C9: variants seen among roughly 807,000 people sequenced by gnomAD.
The protein encoded by C9 is complement component C9.
Under a neutral mutation model 65.4 loss-of-function variants are expected in C9, and 63 were observed. That is an observed-to-expected ratio of 0.96 (90% CI 0.79 to 1.19). The LOEUF is 1.19. Ranked by LOEUF, C9 falls within the 50% of genes most tolerant of loss-of-function variation. The pLI is 0.00. For synonymous variants in C9, 229 were observed against 227.9 expected, an observed-to-expected ratio of 1.00 and a Z score of -0.04; for missense variants, 744 against 670.1, an observed-to-expected ratio of 1.11 and a Z score of -1.22.
chr5:39,327,784 T>C (rs181416884), intron 5 of C9, among the ~76,000 whole-genome samples: 2 of 152,024 alleles, frequency 1.3e-5, no homozygotes, highest in African/African-American at 2.4e-5. Flanking sequence ...GAAGAATATA[T>C]AGAGAGAAAT....
chr5:39,361,777 G>C lies in C9; in HGVS notation c.77+2611C>G, dbSNP rs145233356. On this transcript the variant is annotated intron_variant, in intron 1 of 10. Coordinates refer to ENST00000263408, the MANE Select transcript of C9 (RefSeq NM_001737.5). ...TGTCCCCCTCATGGCCAGTTCTCAT[G>C]GGCACATTAATCTTTGTAAAAAAAT... 5.8e-3 allele frequency among the ~76,000 whole-genome samples: 876 copies of C among 152,140 alleles called. 19 individuals are homozygous for C. Among genetic ancestry groups the C allele is most frequent in the Admixed American group, 0.045 (688 of 15,266 alleles).
chr5:39,342,288 C>T, intron 1 of C9, 92 bp from the exon 2 acceptor site: 2 of 728,136 alleles, frequency 2.7e-6, no homozygotes, highest in Non-Finnish European at 5.0e-6. Context: ...TGTACTTTAT[C>T]CCCTCTCAAA....
intron 5 of C9, among the ~76,000 whole-genome samples, chr5:39,325,557 G>A (rs1389057102): frequency 6.6e-6 from 1 of 152,120 alleles, no homozygotes; most frequent in Admixed American, 6.5e-5. Context: ...GGCGGATCAT[G>A]ATGTCAGGAG....
At chr5:39,327,904 T>C (rs886831437) in intron 5 of C9, among the ~76,000 whole-genome samples, 2 of 152,166 alleles carry the variant, frequency 1.3e-5, no homozygotes, top group African/African-American at 4.8e-5. Flanking sequence ...GAAAAATGCA[T>C]AGACACAAGA....
rs776195213 is a variant in C9, at chr5:39,306,757, C to T, written c.1276G>A (p.Val426Ile). The T allele has an allele frequency of 3.7e-6, 6 of 1,612,274 alleles. No homozygotes were observed. Among genetic ancestry groups the T allele is most frequent in the Non-Finnish European group, 5.1e-6 (6 of 1,178,650 alleles). The change falls in exon 9 of 11, where the codon GTT becomes ATT. Residue 426 changes from valine (V) to isoleucine (I), a missense_variant. Physicochemically the swap from Val to Ile is conservative, Grantham distance 29. Coordinates refer to ENST00000263408, the MANE Select transcript of C9 (RefSeq NM_001737.5). ...CTGGTTCCACCTCTTATGAGTGAAACAACATCATCTATGAGGTTTTCACTG... is the reference window on the plus strand; with the variant it reads ...CTGGTTCCACCTCTTATGAGTGAAATAACATCATCTATGAGGTTTTCACTG... ...ITSENLIDDV[V>I]SLIRGGTRKY...
intron 5 of C9, among the ~76,000 whole-genome samples, chr5:39,321,355 A>G (rs1022757612): frequency 6.6e-6 from 1 of 152,132 alleles, no homozygotes; most frequent in Non-Finnish European, 1.5e-5. Flanking sequence ...GCCTATTATA[A>G]CTATAGATAT....
chr5:39,322,092 T>C (rs2111910159), intron 5 of C9, among the ~76,000 whole-genome samples: 1 of 152,140 alleles, frequency 6.6e-6, no homozygotes, highest in Admixed American at 6.5e-5. Context: ...GGACAGATCG[T>C]ATATTAGGCC....
intron 3 of C9, 66 bp from the exon 4 acceptor site, chr5:39,341,359 A>G (rs769413428): frequency 6.3e-7 from 1 of 1,578,902 alleles, no homozygotes; most frequent in Non-Finnish European, 8.7e-7. Context: ...TTCTGAAGTT[A>G]TCAAATGCAT....
At position 39,285,214 on chromosome 5, in the gene C9, G is replaced by T. The variant is rs141988743; in HGVS notation, c.1665C>A (p.Phe555Leu). ...KISEGLPALE[F>L]PNEK is the part of the protein sequence containing the mutation. ...GCCAACAGCTCTATTTTTCATTGGGGAACTCTAGGGCTGGCAATCCTAGAG... is the reference window on the plus strand; with the variant it reads ...GCCAACAGCTCTATTTTTCATTGGGTAACTCTAGGGCTGGCAATCCTAGAG... The change falls in exon 11 of 11, where the codon TTC becomes TTA. Residue 555 changes from phenylalanine to leucine, a missense_variant. Phe to Leu is a conservative substitution (Grantham distance 22, BLOSUM62 0). Coordinates refer to ENST00000263408, the MANE Select transcript of C9 (RefSeq NM_001737.5). 1.2e-5 allele frequency: 20 copies of T among 1,612,754 alleles called. No individual in the cohort carries two copies. Among genetic ancestry groups the T allele is most frequent in the Non-Finnish European group, 1.7e-5 (20 of 1,179,052 alleles).
chr5:39,311,294 AGTT>A lies in C9; in HGVS notation c.951_953del (p.Thr318del), dbSNP rs778231857. 1.9e-6 allele frequency: 3 copies of A among 1,613,604 alleles called. No homozygotes were observed. Among genetic ancestry groups the A allele is most frequent in the African/African-American group, 1.3e-5 (1 of 74,906 alleles). On this transcript the variant is annotated inframe_deletion, in exon 7 of 11. Transcript: ENST00000263408. ...GCAAAGCTTTTATATCATCCACAAA[AGTT>A]GTTGTGAGCACAACATCGCGATTTC...
chr5:39,327,960 C>A (rs1753779646), intron 5 of C9, among the ~76,000 whole-genome samples: 1 of 152,140 alleles, frequency 6.6e-6, no homozygotes, highest in African/African-American at 2.4e-5. Flanking sequence ...GTTGAGATAG[C>A]AAGTGTAGAC....
chr5:39,361,877 G>A (rs1754527986), intron 1 of C9, among the ~76,000 whole-genome samples: 1 of 152,176 alleles, frequency 6.6e-6, no homozygotes, highest in South Asian at 2.1e-4. Flanking sequence ...TGTAGCTGTG[G>A]CATGAGATGT....
In C9 at chr5:39,311,137, C is replaced by T; in HGVS notation, c.1111G>A (p.Gly371Ser). Residue 371 changes from glycine to serine, a missense_variant and splice_region_variant, in exon 7 of 11, where the codon GGT (glycine) becomes AGT (serine). Physicochemically the swap from Gly to Ser is moderately conservative, Grantham distance 56. Transcript: ENST00000263408. ...VLDKASMKRK[G>S]VELKDIKRCL... ...GTCAGAGCTCTATTTCTAGGCATAC[C>T]TTTCCGCTTCATGGAAGCTTTATCC... 6.2e-7 allele frequency: 1 copy of T among 1,613,312 alleles called. No homozygotes were observed. Among genetic ancestry groups the T allele is most frequent in the East Asian group, 2.2e-5 (1 of 44,856 alleles).
chr5:39,311,369 C>T lies in C9; in HGVS notation c.879G>A (p.Met293Ile), dbSNP rs1378496997. ...FLSYSSKKEK[M>I]FLHVKGEIHL... ...GAATTTCTCCTTTCACATGCAGAAA[C>T]ATTTTTTCCTGTGTTGTAGAGCAGA... is the stretch of plus-strand genomic sequence containing the variant. The change falls in exon 7 of 11, where the codon ATG becomes ATA. Residue 293 changes from methionine (M) to isoleucine (I), a missense_variant. Physicochemically the swap from Met to Ile is conservative, Grantham distance 10. Coordinates refer to ENST00000263408, the MANE Select transcript of C9 (RefSeq NM_001737.5). 1 of 1,612,058 alleles carries T rather than the reference C, an allele frequency of 6.2e-7. No individual in the cohort carries two copies. The highest frequency in any genetic ancestry group is 1.3e-5 in the African/African-American group (1 of 74,996).
intron 1 of C9, among the ~76,000 whole-genome samples, chr5:39,357,312 T>C (rs1027799321): frequency 2.0e-5 from 3 of 152,226 alleles, no homozygotes; most frequent in African/African-American, 7.2e-5. Context: ...GCACAGTTTC[T>C]TTAGTTCATG....
chr5:39,349,416 A>T (rs192949174), intron 1 of C9, among the ~76,000 whole-genome samples: 103 of 152,346 alleles, frequency 6.8e-4, no homozygotes, highest in African/African-American at 2.2e-3. Context: ...TTTTCTTCCA[A>T]CCACTACCAT....
chr5:39,309,165 T>TA (rs3836795), intron 7 of C9, among the ~76,000 whole-genome samples: 1 of 151,906 alleles, frequency 6.6e-6, no homozygotes, highest in Non-Finnish European at 1.5e-5. Context: ...TTGCAATTCA[T>TA]AAAAAAAATA....
At chr5:39,357,215 T>A (rs951522114) in intron 1 of C9, among the ~76,000 whole-genome samples, 1 of 152,234 alleles carries the variant, frequency 6.6e-6, no homozygotes, top group Non-Finnish European at 1.5e-5. Flanking sequence ...TATGAAGGAA[T>A]CTTTTGGTCA....
intron 4 of C9, among the ~76,000 whole-genome samples, chr5:39,338,103 T>C (rs1025318092): frequency 2.8e-4 from 43 of 152,226 alleles, no homozygotes; most frequent in African/African-American, 1.0e-3. Flanking sequence ...ATTACAAATA[T>C]AACAATATAT....
Sources: gnomAD v4.1 joint callset for allele counts (sites outside exome capture counted in the v4.1 genomes callset) on GRCh38, gnomAD v4.1.1 for gene constraint, MANE v1.5 for transcripts, NCBI Gene and HGNC (gene_info 2026-07-23, HGNC 2026-07-21) for gene names.